The following DCLK3 variants were observed in gnomAD, a reference collection of about 807,000 sequenced individuals.
DCLK3 encodes doublecortin like kinase 3, also known as serine/threonine-protein kinase DCLK3.
In DCLK3, 30 loss-of-function variants were observed where a neutral mutation model predicts 46.4. The ratio of observed to expected loss-of-function variants is 0.65; its 90% CI spans 0.48 to 0.88. The LOEUF (loss-of-function observed/expected upper bound fraction) is 0.88, where lower values mean the gene tolerates loss of function less well. Among genes scored for constraint, DCLK3 ranks in the 40% least tolerant of loss-of-function variants. The pLI, the probability that DCLK3 is intolerant of heterozygous loss-of-function variation, is 0.00. For missense variants in DCLK3, 846 were observed against 907.1 expected (o/e 0.93, Z 0.87); for synonymous variants, 401 against 339.2 (o/e 1.18, Z -2.00).
chr3:36,761,557 G>A (rs1701539279), intron 1 of DCLK3, among the ~76,000 whole-genome samples: 1 of 152,142 alleles, frequency 6.6e-6, no homozygotes. Flanking sequence ...ATCTTCAAAA[G>A]GGGCTCTGCT....
Position 36,745,901 on chromosome 3 carries a change from G to A in DCLK3, c.83-6817C>T, listed in dbSNP as rs78377835. On this transcript the variant is annotated intron_variant, in intron 1 of 4. Transcript: ENST00000636136. ...ATTGGAATGAAGCCTCTCTCACTAA[G>A]CCTCAAAAATGCTACTGTTTCGTAA... Among the ~76,000 whole-genome samples the A allele has an allele frequency of 3.1e-3, 466 of 152,272 alleles. 2 individuals are homozygous for A. In the Middle Eastern group the frequency reaches 0.037, roughly 12 times the overall value.
At chr3:36,745,772 T>C (rs886144266) in intron 1 of DCLK3, among the ~76,000 whole-genome samples, 11 of 152,208 alleles carry the variant, frequency 7.2e-5, no homozygotes, top group Non-Finnish European at 7.4e-5. Flanking sequence ...TGTTTGGGAA[T>C]AAACTCATTT....
chr3:36,734,330 C>T (rs185568943), intron 2 of DCLK3, among the ~76,000 whole-genome samples: 35 of 152,248 alleles, frequency 2.3e-4, no homozygotes, highest in African/African-American at 7.9e-4. Context: ...TTAAACTTTA[C>T]TCACCCAGAA....
intron 2 of DCLK3, among the ~76,000 whole-genome samples, chr3:36,731,881 ATT>A (rs2125527368): frequency 6.6e-6 from 1 of 152,284 alleles, no homozygotes; most frequent in African/African-American, 2.4e-5. Context: ...TTCTGTTGCA[ATT>A]AGACAACTAG....
chr3:36,753,235 T>C (rs1482347289), intron 1 of DCLK3, among the ~76,000 whole-genome samples: 1 of 152,160 alleles, frequency 6.6e-6, no homozygotes, highest in East Asian at 1.9e-4. Flanking sequence ...AAAACTTTCC[T>C]TTTTTTCCCC....
intron 1 of DCLK3, among the ~76,000 whole-genome samples, chr3:36,758,487 C>T (rs1315002093): frequency 6.6e-6 from 1 of 152,168 alleles, no homozygotes; most frequent in African/African-American, 2.4e-5. Flanking sequence ...GACAAAAGGG[C>T]TGAAAAGAAA....
intron 3 of DCLK3, 84 bp downstream of exon 3, chr3:36,721,443 C>T: frequency 6.5e-7 from 1 of 1,527,076 alleles, no homozygotes; most frequent in Non-Finnish European, 8.9e-7. Flanking sequence ...AGATTTATTC[C>T]ATATTGAAAA....
intron 2 of DCLK3, among the ~76,000 whole-genome samples, chr3:36,733,131 C>T (rs1276609322): frequency 1.3e-5 from 2 of 152,188 alleles, no homozygotes; most frequent in African/African-American, 4.8e-5. Flanking sequence ...AGGGTACAAC[C>T]TTTGTCCTTG....
intron 1 of DCLK3, among the ~76,000 whole-genome samples, chr3:36,758,943 A>T (rs1275851458): frequency 1.3e-5 from 2 of 152,250 alleles, no homozygotes; most frequent in African/African-American, 4.8e-5. Flanking sequence ...CATCCAGAAC[A>T]TTAAATTCAT....
At chr3:36,754,178 T>C (rs1029705472) in intron 1 of DCLK3, among the ~76,000 whole-genome samples, 11 of 152,258 alleles carry the variant, frequency 7.2e-5, no homozygotes, top group Non-Finnish European at 7.3e-5. Context: ...CAGCAGCCAA[T>C]GCATGGCTTT....
chr3:36,727,633 T>A (rs920769614), intron 2 of DCLK3, among the ~76,000 whole-genome samples: 8 of 152,198 alleles, frequency 5.3e-5, no homozygotes, highest in African/African-American at 1.7e-4. Context: ...CCCCTGAGCA[T>A]CAACAATTGC....
intron 3 of DCLK3, among the ~76,000 whole-genome samples, chr3:36,720,173 G>A (rs929650518): frequency 6.6e-6 from 1 of 152,164 alleles, no homozygotes; most frequent in Admixed American, 6.5e-5. Flanking sequence ...TTAGGATCTG[G>A]TTGTTTAGAA....
chr3:36,729,045 C>T (rs1250697552), intron 2 of DCLK3, among the ~76,000 whole-genome samples: 2 of 152,174 alleles, frequency 1.3e-5, no homozygotes, highest in Admixed American at 6.5e-5. Context: ...TGGATGGCCC[C>T]CATGATGCCT....
At chr3:36,724,017 G>A (rs985367834) in intron 2 of DCLK3, among the ~76,000 whole-genome samples, 21 of 152,206 alleles carry the variant, frequency 1.4e-4, no homozygotes, top group Non-Finnish European at 2.9e-4. Context: ...CAGGAGAGAG[G>A]CTGTACCCTG....
chr3:36,738,366 C>A lies in DCLK3; in HGVS notation c.801G>T (p.Gly267=). 6.7e-7 allele frequency: 1 copy of A among 1,500,000 alleles called. No homozygotes were observed. The highest frequency in any genetic ancestry group is 8.9e-7 in the Non-Finnish European group (1 of 1,127,730). The allele number at this position is 1,500,000 out of a possible 1,614,324, so 92.9% of individuals were successfully genotyped here. Residue 267 remains glycine (G), a synonymous_variant, in exon 2 of 5, where the codon GGG becomes GGT. Transcript: ENST00000636136. ...TGCTACTGGGTTCTGGCTCCCATTT[C>A]CCCCTCCCCCACTTCTTCTGGGTCC... ...RARTQKKWGR[G]KWEPEPSSKP... is the part of the protein sequence containing the mutation.
At chr3:36,720,722 G>C (rs950927562) in intron 3 of DCLK3, among the ~76,000 whole-genome samples, 6 of 152,046 alleles carry the variant, frequency 3.9e-5, no homozygotes, top group Non-Finnish European at 7.4e-5. Flanking sequence ...GGCCAGGATG[G>C]TTTCAAATGC....
intron 2 of DCLK3, among the ~76,000 whole-genome samples, chr3:36,722,040 T>C (rs1231768163): frequency 6.6e-6 from 1 of 152,218 alleles, no homozygotes; most frequent in Non-Finnish European, 1.5e-5. Flanking sequence ...ACTTCCATTG[T>C]TGCAGAAAGG....
chr3:36,724,756 C>G (rs1701105033), intron 2 of DCLK3, among the ~76,000 whole-genome samples: 2 of 152,120 alleles, frequency 1.3e-5, no homozygotes, highest in Admixed American at 1.3e-4. Flanking sequence ...ACCTCTTTTT[C>G]TTCCCAGTCT....
intron 2 of DCLK3, among the ~76,000 whole-genome samples, chr3:36,727,178 A>G (rs1701133976): frequency 6.6e-6 from 1 of 152,138 alleles, no homozygotes. Context: ...AATCCCAGCT[A>G]CTCAGGAGGC....
Sources: gnomAD v4.1 joint callset for allele counts (sites outside exome capture counted in the v4.1 genomes callset) on GRCh38, gnomAD v4.1.1 for gene constraint, MANE v1.5 for transcripts, NCBI Gene and HGNC (gene_info 2026-07-23, HGNC 2026-07-21) for gene names.